Variants in MAP3K4 observed in about 807,000 individuals in gnomAD.
The protein encoded by MAP3K4 is MAP three kinase 1.
In MAP3K4, 67 loss-of-function variants were observed where a neutral mutation model predicts 185.6. The observed-to-expected ratio is 0.36, with a 90% CI of 0.30 to 0.44. The LOEUF is 0.44. Among genes scored for constraint, MAP3K4 ranks in the 20% least tolerant of loss-of-function variants. The pLI, the probability that MAP3K4 is intolerant of heterozygous loss-of-function variation, is 1.00. For synonymous variants in MAP3K4, 702 were observed against 710.4 expected (o/e 0.99, Z 0.19); for missense variants, 1,551 against 1,995.1 (o/e 0.78, Z 4.24).
At chr6:161,113,491 A>G (rs1392398935) in intron 25 of MAP3K4, among the ~76,000 whole-genome samples, 1 of 152,194 alleles carries the variant, frequency 6.6e-6, no homozygotes, top group Non-Finnish European at 1.5e-5. Flanking sequence ...AGAATGTGCA[A>G]CAGAGTGAAC....
At position 161,080,394 on chromosome 6, in the gene MAP3K4, T is replaced by G. The variant is rs187788794; in HGVS notation, c.2098-487T>G. ...TTGGTTTTAGATCATCATTTATATG[T>G]TGCAAGCCTTGAAAACATTTTATCA... On this transcript the variant is annotated intron_variant, in intron 5 of 26. Transcript: ENST00000392142. The surrounding 1 kb of genome is among the most constrained non-coding windows in gnomAD (Gnocchi z 4.8). Among the ~76,000 whole-genome samples the G allele has an allele frequency of 2.0e-5, 3 of 152,202 alleles. No individual in the cohort carries two copies. Among genetic ancestry groups the G allele is most frequent in the African/African-American group, 7.2e-5 (3 of 41,448 alleles).
Position 161,022,203 on chromosome 6 carries a change from A to C in MAP3K4, c.153-12056A>C, listed in dbSNP as rs960405216. 9.2e-5 allele frequency: 14 copies of C among 152,204 alleles called. No homozygotes were observed. Among genetic ancestry groups the C allele is most frequent in the Admixed American group, 9.2e-4 (14 of 15,288 alleles). The allele number at this position is 152,204 out of a possible 1,614,324, so 9.4% of individuals were successfully genotyped here. On this transcript the variant is annotated intron_variant, in intron 1 of 26. Coordinates refer to ENST00000392142, the MANE Select transcript of MAP3K4 (RefSeq NM_005922.4). The surrounding 1 kb of genome is among the most constrained non-coding windows in gnomAD (Gnocchi z 4.2). ...AGTGCTGCACATTGACCTTCCTGGAACGCAGAGTGTAATCCCTGCATTTGG... is the reference window on the plus strand; with the variant it reads ...AGTGCTGCACATTGACCTTCCTGGACCGCAGAGTGTAATCCCTGCATTTGG...
chr6:161,044,794 G>A (rs1368273383), intron 2 of MAP3K4, among the ~76,000 whole-genome samples: 1 of 152,156 alleles, frequency 6.6e-6, no homozygotes, highest in Admixed American at 6.5e-5. Flanking sequence ...TTTTACTCAT[G>A]GTGGAAGGTG....
intron 5 of MAP3K4, among the ~76,000 whole-genome samples, chr6:161,078,548 A>G (rs2114834436): frequency 6.6e-6 from 1 of 152,304 alleles, no homozygotes; most frequent in South Asian, 2.1e-4. Flanking sequence ...TGGTTGAACA[A>G]ATCTCCTGGA....
chr6:161,106,114 G>A lies in MAP3K4; in HGVS notation c.3857-400G>A, dbSNP rs754197043. 4.4e-4 allele frequency among the ~76,000 whole-genome samples: 67 copies of A among 152,266 alleles called. No individual in the cohort carries two copies. The highest frequency in any genetic ancestry group is 8.4e-4 in the Non-Finnish European group (57 of 68,018). On this transcript the variant is annotated intron_variant, in intron 19 of 26. Transcript: ENST00000392142. The surrounding 1 kb of genome is among the most constrained non-coding windows in gnomAD (Gnocchi z 4.9). The stretch of plus-strand genomic sequence containing the variant: ...ACCTCCCAAAGTGCTGGGATTACAA[G>A]AATGAGTCACTGCTCCAGGCCTCGT...
chr6:161,013,543 A>G (rs1451894091), intron 1 of MAP3K4, among the ~76,000 whole-genome samples: 1 of 152,094 alleles, frequency 6.6e-6, no homozygotes, highest in Non-Finnish European at 1.5e-5. Flanking sequence ...AAAATAATTG[A>G]TGCAGGGCAG....
At chr6:161,010,671 A>G (rs539267837) in intron 1 of MAP3K4, among the ~76,000 whole-genome samples, 10 of 152,294 alleles carry the variant, frequency 6.6e-5, no homozygotes, top group African/African-American at 1.4e-4. Flanking sequence ...TGCTATATTT[A>G]CTATGACTAA....
intron 1 of MAP3K4, among the ~76,000 whole-genome samples, chr6:161,000,902 TAC>T (rs1364218241): frequency 7.2e-4 from 107 of 148,472 alleles, no homozygotes; most frequent in Non-Finnish European, 9.9e-4. Context: ...TACATATATG[TAC>T]ACACACATAT....
chr6:161,106,493 A>C lies in MAP3K4; in HGVS notation c.3857-21A>C. Reference sequence around the variant, plus strand: ...TTGATAACAGTGATTGGGACTAATGAGGTTTTGGTTCTCTCTGCAGATACT... The same window carrying C: ...TTGATAACAGTGATTGGGACTAATGCGGTTTTGGTTCTCTCTGCAGATACT... On this transcript the variant is annotated intron_variant, in intron 19 of 26. Transcript: ENST00000392142. The surrounding 1 kb of genome is among the most constrained non-coding windows in gnomAD (Gnocchi z 4.9). The C allele has an allele frequency of 6.4e-7, 1 of 1,568,342 alleles. No homozygotes were observed. Among genetic ancestry groups the C allele is most frequent in the Middle Eastern group, 1.7e-4 (1 of 5,802 alleles).
In MAP3K4 at chr6:161,074,840, G is replaced by A. The variant is rs1042565705; in HGVS notation, c.2097+1228G>A. On this transcript the variant is annotated intron_variant, in intron 5 of 26. Coordinates refer to ENST00000392142, the MANE Select transcript of MAP3K4 (RefSeq NM_005922.4). This position sits in a 1 kb window ranked among gnomAD's most constrained non-coding sequence, Gnocchi z 5.0. ...TCTCACTTTCTAAGCGGGAAGAAAA[G>A]GGGAAACAGACCTTACCAGCTAAGT... 6.6e-6 allele frequency among the ~76,000 whole-genome samples: 1 copy of A among 152,158 alleles called. No homozygotes were observed. Among genetic ancestry groups the A allele is most frequent in the African/African-American group, 2.4e-5 (1 of 41,438 alleles).
In MAP3K4 at chr6:161,094,061, C is replaced by T. The variant is rs73784750; in HGVS notation, c.3427+210C>T. Among the ~76,000 whole-genome samples, 255 of 152,342 alleles carry T rather than the reference C, an allele frequency of 1.7e-3. 3 individuals are homozygous for T. The highest frequency in any genetic ancestry group is 5.8e-3 in the African/African-American group (242 of 41,576). On this transcript the variant is annotated intron_variant, in intron 15 of 26. Transcript: ENST00000392142. ...CAGGAAGATTAAAACGTCAGCCATACGCTATTCCATACCAGCCAGCAGTAT... is the reference window on the plus strand; with the variant it reads ...CAGGAAGATTAAAACGTCAGCCATATGCTATTCCATACCAGCCAGCAGTAT...
chr6:161,064,441 C>G lies in MAP3K4; in HGVS notation c.1708-6167C>G, dbSNP rs1469091045. Among the ~76,000 whole-genome samples, 1 of 150,176 alleles carries G rather than the reference C, an allele frequency of 6.7e-6. No individual in the cohort carries two copies. Among genetic ancestry groups the G allele is most frequent in the African/African-American group, 2.4e-5 (1 of 40,976 alleles). On this transcript the variant is annotated intron_variant, in intron 3 of 26. Transcript: ENST00000392142. The surrounding 1 kb of genome is among the most constrained non-coding windows in gnomAD (Gnocchi z 4.3). ...TAGATAACCCATTATTTTCCAACTT[C>G]TTAAACTGCTGCCTTTTTTTTTTTA...
Position 161,116,738 on chromosome 6 carries a change from TG to T in MAP3K4, c.4807-109del. The T allele has an allele frequency of 1.1e-6, 1 of 884,976 alleles. No individual in the cohort carries two copies. Among genetic ancestry groups the T allele is most frequent in the Non-Finnish European group, 1.9e-6 (1 of 532,728 alleles). The allele number at this position is 884,976 out of a possible 1,614,324, so 54.8% of individuals were successfully genotyped here. A position where few individuals can be genotyped will look rare whatever the true frequency, so the allele number is the denominator to read the frequency against. On this transcript the variant is annotated intron_variant, in intron 26 of 26. Transcript: ENST00000392142. This position sits in a 1 kb window ranked among gnomAD's most constrained non-coding sequence, Gnocchi z 6.2. ...TTGCCCTCTGTGCCCAGTACAGTGC[TG>T]GGAGCATCAGGATGAGTGGATGGGG... is the stretch of plus-strand genomic sequence containing the variant.
rs949667008 is a variant in MAP3K4 at position 161,051,991 on chromosome 6, G to GT, written c.1707+2018dup. 2.0e-5 allele frequency among the ~76,000 whole-genome samples: 3 copies of GT among 152,028 alleles called. No homozygotes were observed. The highest frequency in any genetic ancestry group is 7.2e-5 in the African/African-American group (3 of 41,398). ...TTATTGTTGTATTCTTATTTTTAATGTTTTTTCAAACATTCTTGATCTGCG... is the reference window on the plus strand; with the variant it reads ...TTATTGTTGTATTCTTATTTTTAATGTTTTTTTCAAACATTCTTGATCTGCG... On this transcript the variant is annotated intron_variant, in intron 3 of 26. Transcript: ENST00000392142. This position sits in a 1 kb window ranked among gnomAD's most constrained non-coding sequence, Gnocchi z 4.2.
At chr6:160,994,742 C>A (rs562572535) in intron 1 of MAP3K4, among the ~76,000 whole-genome samples, 1 of 152,124 alleles carries the variant, frequency 6.6e-6, no homozygotes, top group East Asian at 1.9e-4. Context: ...TCTCTGTTGC[C>A]CAGGCTGGAG....
rs1264075302 is a variant in MAP3K4 at position 161,116,686 on chromosome 6, G to A, written c.4807-164G>A. 6.6e-6 allele frequency among the ~76,000 whole-genome samples: 1 copy of A among 152,188 alleles called. No homozygotes were observed. The highest frequency in any genetic ancestry group is 1.5e-5 in the Non-Finnish European group (1 of 68,036). ...AACTTTAGAGCAGTAACTTACCTCT[G>A]CCATTGTTCATTACATTTCTTAAGC... On this transcript the variant is annotated intron_variant, in intron 26 of 26. Transcript: ENST00000392142. The surrounding 1 kb of genome is among the most constrained non-coding windows in gnomAD (Gnocchi z 6.2).
chr6:161,048,577 A>C lies in MAP3K4; in HGVS notation c.344-39A>C. On this transcript the variant is annotated intron_variant, in intron 2 of 26. Coordinates refer to ENST00000392142, the MANE Select transcript of MAP3K4 (RefSeq NM_005922.4). This position sits in a 1 kb window ranked among gnomAD's most constrained non-coding sequence, Gnocchi z 4.7. ...AATATTGAGAGTAGCTTCATATTTT[A>C]GAGTTATATAATGTTCTGTTTATTT... 2 of 1,307,876 alleles carry C rather than the reference A, an allele frequency of 1.5e-6. No homozygotes were observed. The highest frequency in any genetic ancestry group is 2.1e-6 in the Non-Finnish European group (2 of 957,318). 81.0% of individuals were successfully genotyped at this position (1,307,876 alleles called of 1,614,324 possible).
Position 161,087,550 on chromosome 6 carries a change from A to G in MAP3K4, c.2557-138A>G. 1 of 803,794 alleles carries G rather than the reference A, an allele frequency of 1.2e-6. No homozygotes were observed. The highest frequency in any genetic ancestry group is 2.0e-6 in the Non-Finnish European group (1 of 491,028). The allele number at this position is 803,794 out of a possible 1,614,324, so 49.8% of individuals were successfully genotyped here. On this transcript the variant is annotated intron_variant, in intron 9 of 26. Coordinates refer to ENST00000392142, the MANE Select transcript of MAP3K4 (RefSeq NM_005922.4). This position sits in a 1 kb window ranked among gnomAD's most constrained non-coding sequence, Gnocchi z 4.9. ...AGTCACACTGAAGCCGGCTACCTGC[A>G]GTTCCCTCACTGCTCCAATTCATGC...
At chr6:161,089,266 A>G in intron 10 of MAP3K4, 56 bp from the exon 11 acceptor site, 1 of 1,572,494 alleles carries the variant, frequency 6.4e-7, no homozygotes, top group South Asian at 1.2e-5. Context: ...GTTGAACTAG[A>G]ATAACAACTA....
Sources: gnomAD v4.1 joint callset for allele counts (sites outside exome capture counted in the v4.1 genomes callset) on GRCh38, gnomAD v4.1.1 for gene constraint, Gnocchi (gnomAD v3.1) non-coding constraint, MANE v1.5 for transcripts, NCBI Gene and HGNC (gene_info 2026-07-23, HGNC 2026-07-21) for gene names.